The following RWDD2B variants were observed in gnomAD, a reference collection of about 807,000 sequenced individuals.
RWDD2B encodes the protein RWD domain-containing protein 2B.
A neutral mutation model predicts 33.6 loss-of-function variants in RWDD2B; 36 were observed. That is an observed-to-expected ratio of 1.07 (90% CI 0.82 to 1.42). The LOEUF is 1.42. RWDD2B is among the 40% of genes most tolerant of loss of function. RWDD2B has a pLI of 0.00. For synonymous variants in RWDD2B, 126 were observed against 133.1 expected, an observed-to-expected ratio of 0.95 and a Z score of 0.37; for missense variants, 364 against 377.5, an observed-to-expected ratio of 0.96 and a Z score of 0.30.
At chr21:29,015,794 G>C (rs1007737937) in intron 1 of RWDD2B, among the ~76,000 whole-genome samples, 1 of 152,122 alleles carries the variant, frequency 6.6e-6, no homozygotes, top group Non-Finnish European at 1.5e-5. Context: ...GCCTTCCAAA[G>C]TGCTGGGATT....
rs1322547517 is a variant in RWDD2B at position 29,004,923 on chromosome 21, C to G, written c.*1494G>C. The G allele has an allele frequency of 3.3e-5, 5 of 152,188 alleles. No homozygotes were observed. Among genetic ancestry groups the G allele is most frequent in the African/African-American group, 1.2e-4 (5 of 41,444 alleles). 9.4% of individuals were successfully genotyped at this position (152,188 alleles called of 1,614,324 possible). A position where few individuals can be genotyped will look rare whatever the true frequency, so the allele number is the denominator to read the frequency against. ...GTGATAAGCATAGTTTGCCTACAACCTTTTACTAACTTAATGCATTGTCTC... is the reference window on the plus strand; with the variant it reads ...GTGATAAGCATAGTTTGCCTACAACGTTTTACTAACTTAATGCATTGTCTC... On this transcript the variant is annotated 3_prime_UTR_variant, in exon 5 of 5. Coordinates refer to ENST00000493196, the MANE Select transcript of RWDD2B (RefSeq NM_016940.3).
intron 4 of RWDD2B, 151 bp from the exon 5 acceptor site, chr21:29,006,802 G>A (rs1172336948): frequency 8.3e-6 from 5 of 600,206 alleles, no homozygotes; most frequent in African/African-American, 5.6e-5. Flanking sequence ...TTTAGTAGAG[G>A]CAGGTCTTGC....
chr21:29,007,115 C>T (rs2084832375), intron 4 of RWDD2B, among the ~76,000 whole-genome samples: 1 of 152,182 alleles, frequency 6.6e-6, no homozygotes, highest in African/African-American at 2.4e-5. Flanking sequence ...AGACTAGTGG[C>T]AATTCTAATG....
intron 1 of RWDD2B, among the ~76,000 whole-genome samples, chr21:29,013,402 A>G (rs1427887613): frequency 2.0e-5 from 3 of 152,212 alleles, no homozygotes; most frequent in African/African-American, 7.2e-5. Flanking sequence ...TTGAAATTAA[A>G]GATTAGGCCT....
At chr21:29,012,182 C>CCG (rs1555851480) in intron 1 of RWDD2B, among the ~76,000 whole-genome samples, 2 of 141,638 alleles carry the variant, frequency 1.4e-5, no homozygotes, top group African/African-American at 2.7e-5. Context: ...GGTCAGCCCC[C>CCG]CCCCGGGAGG....
At chr21:29,008,687 A>C in intron 1 of RWDD2B, 66 bp from the exon 2 acceptor site, 3 of 966,190 alleles carry the variant, frequency 3.1e-6, no homozygotes, top group Non-Finnish European at 4.6e-6. Context: ...ATACATCAAC[A>C]TGTGTACTTA....
At chr21:29,011,409 A>G (rs2084858233) in intron 1 of RWDD2B, among the ~76,000 whole-genome samples, 2 of 147,208 alleles carry the variant, frequency 1.4e-5, no homozygotes, top group African/African-American at 5.1e-5. Flanking sequence ...CCCGTCTGAG[A>G]AGTGAGGAGC....
chr21:29,016,079 A>G (rs1284726547), intron 1 of RWDD2B, among the ~76,000 whole-genome samples: 1 of 152,176 alleles, frequency 6.6e-6, no homozygotes. Flanking sequence ...TTTAAATATA[A>G]GCATTTAAAG....
rs2084822673 is a variant in RWDD2B at position 29,005,222 on chromosome 21, T to C, written c.*1195A>G. 1 of 152,192 alleles carries C rather than the reference T, an allele frequency of 6.6e-6. No homozygotes were observed. Among genetic ancestry groups the C allele is most frequent in the Admixed American group, 6.5e-5 (1 of 15,280 alleles). 9.4% of individuals were successfully genotyped at this position (152,192 alleles called of 1,614,324 possible). ...TTTCTAAATTACTAATTTGATGAAT[T>C]GTTGAGGCTTGTTAAAAAAGTTTAA... On this transcript the variant is annotated 3_prime_UTR_variant, in exon 5 of 5. Transcript: ENST00000493196.
chr21:29,008,852 C>A (rs757745538), intron 1 of RWDD2B, among the ~76,000 whole-genome samples: 20 of 152,114 alleles, frequency 1.3e-4, no homozygotes, highest in Non-Finnish European at 2.5e-4. Context: ...CAAAAAAACT[C>A]TTAATAGTAA....
At chr21:29,009,945 G>A (rs758639128) in intron 1 of RWDD2B, among the ~76,000 whole-genome samples, 1 of 152,024 alleles carries the variant, frequency 6.6e-6, no homozygotes, top group Non-Finnish European at 1.5e-5. Context: ...ATATTTTGTA[G>A]ATCTATTCAC....
Position 29,008,250 on chromosome 21 carries a change from T to C in RWDD2B, c.352A>G (p.Ile118Val). ...PFKYPAVLPE[I>V]TVRSVLLSRS... ...GCTTCTGTAACGTACCTGACAGTAA[T>C]TTCAGGCAGAACTGCCGGGTATTTA... is the stretch of plus-strand genomic sequence containing the variant. Residue 118 changes from isoleucine to valine, a missense_variant, in exon 3 of 5, where the codon ATT becomes GTT. Transcript: ENST00000493196. The C allele has an allele frequency of 6.2e-7, 1 of 1,614,210 alleles. No homozygotes were observed. The highest frequency in any genetic ancestry group is 2.2e-5 in the East Asian group (1 of 44,892).
At position 29,006,661 on chromosome 21, in the gene RWDD2B, A is replaced by C; in HGVS notation, c.726-10T>G. On this transcript the variant is annotated splice_polypyrimidine_tract_variant and intron_variant, in intron 4 of 4. Transcript: ENST00000493196. ...GTTTAATTTTCTGAGTCTGAAAAGA[A>C]ATTTCCAAAGTAAACATTTTCAAAA... 6.6e-7 allele frequency: 1 copy of C among 1,524,048 alleles called. No homozygotes were observed. 94.4% of individuals were successfully genotyped at this position (1,524,048 alleles called of 1,614,324 possible).
At position 29,007,827 on chromosome 21, in the gene RWDD2B, A is replaced by C; in HGVS notation, c.659T>G (p.Met220Arg). Residue 220 changes from methionine to arginine, a missense_variant, in exon 4 of 5, where the codon ATG becomes AGG. Coordinates refer to ENST00000493196, the MANE Select transcript of RWDD2B (RefSeq NM_016940.3). Reference sequence around the variant, plus strand: ...ACAAACAACACCAGGTTTTCCAGGCATGCTAAACCCAGACAGGGAAAGCTC... The same window carrying C: ...ACAAACAACACCAGGTTTTCCAGGCCTGCTAAACCCAGACAGGGAAAGCTC... ...AKELSLSGFS[M>R]PGKPGVVCVE... 6.2e-7 allele frequency: 1 copy of C among 1,614,252 alleles called. No individual in the cohort carries two copies. Among genetic ancestry groups the C allele is most frequent in the South Asian group, 1.1e-5 (1 of 91,086 alleles).
intron 1 of RWDD2B, 135 bp downstream of exon 1, chr21:29,019,076 C>T: frequency 1.4e-6 from 1 of 704,774 alleles, no homozygotes; most frequent in Non-Finnish European, 2.4e-6. Flanking sequence ...GAGGACCGAG[C>T]CGACCGATGG....
intron 1 of RWDD2B, among the ~76,000 whole-genome samples, chr21:29,010,840 G>C (rs950529915): frequency 6.6e-6 from 1 of 151,948 alleles, no homozygotes; most frequent in Non-Finnish European, 1.5e-5. Context: ...ACTGGTTTTC[G>C]TATTTTTTTG....
rs770744084 is a variant in RWDD2B, at chr21:29,007,970, A to G, written c.516T>C (p.Ser172=). ...GGACTGTGCTTCCTGTGGTGGGTGA[A>G]GATGAAGTATCTCTGCTGACATAGC... is the stretch of plus-strand genomic sequence containing the variant. ...ASGYVSRDTS[S]SPTTGSTVQS... The change falls in exon 4 of 5, where the codon TCT becomes TCC. Residue 172 remains serine (S), a synonymous_variant. Transcript: ENST00000493196. 2 of 1,614,248 alleles carry G rather than the reference A, an allele frequency of 1.2e-6. No individual in the cohort carries two copies. The highest frequency in any genetic ancestry group is 2.2e-5 in the South Asian group (2 of 91,080).
At position 29,019,238 on chromosome 21, in the gene RWDD2B, A is replaced by T; in HGVS notation, c.40T>A (p.Tyr14Asn). The T allele has an allele frequency of 6.2e-7, 1 of 1,603,888 alleles. No homozygotes were observed. The highest frequency in any genetic ancestry group is 8.5e-7 in the Non-Finnish European group (1 of 1,175,280). Residue 14 changes from tyrosine (Y) to asparagine (N), a missense_variant, in exon 1 of 5, where the codon TAC becomes AAC. By Grantham distance (143) the Tyr-to-Asn change is moderately radical. Coordinates refer to ENST00000493196, the MANE Select transcript of RWDD2B (RefSeq NM_016940.3). Reference sequence around the variant, plus strand: ...TGAGCCGTGGCCCCCTCACTGCTGTAACCCGGGTTCCATGGCTGCATGGAC... The same window carrying T: ...TGAGCCGTGGCCCCCTCACTGCTGTTACCCGGGTTCCATGGCTGCATGGAC... ...ELSMQPWNPG[Y>N]SSEGATAQET...
chr21:29,017,752 G>A (rs1218455900), intron 1 of RWDD2B, among the ~76,000 whole-genome samples: 2 of 152,218 alleles, frequency 1.3e-5, no homozygotes, highest in Admixed American at 6.5e-5. Flanking sequence ...TTCTCCTAAG[G>A]TGACTGTAGG....
Sources: gnomAD v4.1 joint callset for allele counts (sites outside exome capture counted in the v4.1 genomes callset) on GRCh38, gnomAD v4.1.1 for gene constraint, MANE v1.5 for transcripts, NCBI Gene and HGNC (gene_info 2026-07-23, HGNC 2026-07-21) for gene names.